The following ALCAM variants were observed in gnomAD, a reference collection of about 807,000 sequenced individuals.
The protein encoded by ALCAM is activated leukocyte cell adhesion molecule, also known as CD166 antigen.
In ALCAM, 30 loss-of-function variants were observed where a neutral mutation model predicts 70.9. The ratio of observed to expected loss-of-function variants is 0.42; its 90% CI spans 0.32 to 0.57. ALCAM has a LOEUF of 0.57. Ranked by LOEUF, ALCAM falls within the 20% of genes least tolerant of loss-of-function variation. ALCAM has a pLI of 0.11. For missense variants in ALCAM, 591 were observed against 695.1 expected (o/e 0.85, Z 1.68); for synonymous variants, 249 against 242.5 (o/e 1.03, Z -0.25).
Position 105,462,014 on chromosome 3 carries a change from G to A in ALCAM, c.74-58053G>A, listed in dbSNP as rs77869960. Among the ~76,000 whole-genome samples, 606 of 151,478 alleles carry A rather than the reference G, an allele frequency of 4.0e-3. 5 individuals are homozygous for A. The highest frequency in any genetic ancestry group is 0.014 in the African/African-American group (576 of 41,406). ...ATTTGAGAATTTTCATAATCCTGGG[G>A]AAATATAGTAAAAAATAAAATTTTG... On this transcript the variant is annotated intron_variant, in intron 1 of 15. Transcript: ENST00000306107.
Position 105,447,819 on chromosome 3 carries a change from G to T in ALCAM, c.74-72248G>T, listed in dbSNP as rs541145534. Among the ~76,000 whole-genome samples the T allele has an allele frequency of 2.0e-5, 3 of 152,294 alleles. No homozygotes were observed. In the East Asian group the frequency reaches 5.8e-4, roughly 29 times the overall value. On this transcript the variant is annotated intron_variant, in intron 1 of 15. Transcript: ENST00000306107. ...TGCTTTGCTTTTGTTATCAAATAAT[G>T]CTGGCAGTGGAATGAGGCTCACGAC...
intron 1 of ALCAM, among the ~76,000 whole-genome samples, chr3:105,421,485 A>T (rs565300864): frequency 4.0e-4 from 60 of 151,516 alleles, no homozygotes; most frequent in African/African-American, 8.2e-4. Flanking sequence ...CTCTATTTTT[A>T]AAAAAAGAAG....
At chr3:105,389,138 G>T (rs1935732059) in intron 1 of ALCAM, among the ~76,000 whole-genome samples, 1 of 151,442 alleles carries the variant, frequency 6.6e-6, no homozygotes, top group African/African-American at 2.4e-5. Context: ...AAAGTGGAAG[G>T]TATGGTGTAC....
chr3:105,534,950 C>T, intron 6 of ALCAM, 105 bp downstream of exon 6: 1 of 1,079,344 alleles, frequency 9.3e-7, no homozygotes, highest in Non-Finnish European at 1.3e-6. Flanking sequence ...AATTCTGCTT[C>T]CAGTCTGCAC....
intron 1 of ALCAM, among the ~76,000 whole-genome samples, chr3:105,477,461 C>CTCAAT (rs1389331502): frequency 2.6e-5 from 4 of 151,836 alleles, no homozygotes; most frequent in Non-Finnish European, 4.4e-5. Flanking sequence ...GTCTTCTTGC[C>CTCAAT]TCAATTGTTT....
At chr3:105,370,782 A>G (rs1230404063) in intron 1 of ALCAM, among the ~76,000 whole-genome samples, 1 of 151,818 alleles carries the variant, frequency 6.6e-6, no homozygotes, top group African/African-American at 2.4e-5. Flanking sequence ...CTGGGAAAAG[A>G]GGACCCAAAA....
intron 1 of ALCAM, among the ~76,000 whole-genome samples, chr3:105,495,632 A>C (rs1042714408): frequency 6.6e-6 from 1 of 152,226 alleles, no homozygotes; most frequent in African/African-American, 2.4e-5. Flanking sequence ...GTTGTACTTA[A>C]AGTATGCAAA....
intron 13 of ALCAM, 61 bp downstream of exon 13, chr3:105,552,243 A>G: frequency 2.0e-6 from 3 of 1,491,324 alleles, no homozygotes; most frequent in East Asian, 2.3e-5. Flanking sequence ...ATGAAGTGTC[A>G]TGGTATAAGT....
chr3:105,549,107 C>T (rs1940325443), intron 11 of ALCAM, among the ~76,000 whole-genome samples: 1 of 151,392 alleles, frequency 6.6e-6, no homozygotes, highest in Non-Finnish European at 1.5e-5. Flanking sequence ...GAAAAAATAG[C>T]AGGTAAATTT....
chr3:105,571,965 G>T lies in ALCAM; in HGVS notation c.*25+1G>T, dbSNP rs1202008588. ...GAGAGAAACTGTCCTAGTTGTCCAG[G>T]TGAGTAGTCTGTACGAGGTTCATAG... is the stretch of plus-strand genomic sequence containing the variant. On this transcript the variant is annotated splice_donor_variant, in intron 15 of 15. Transcript: ENST00000306107. LOFTEE classifies it low-confidence loss of function (3UTR_SPLICE). The T allele has an allele frequency of 6.5e-7, 1 of 1,541,782 alleles. No homozygotes were observed.
chr3:105,382,559 G>T (rs1343907718), intron 1 of ALCAM, among the ~76,000 whole-genome samples: 2 of 152,034 alleles, frequency 1.3e-5, no homozygotes, highest in East Asian at 3.9e-4. Context: ...CCCACCAACA[G>T]TGTAAAAGTG....
chr3:105,380,322 G>A (rs1935488141), intron 1 of ALCAM, among the ~76,000 whole-genome samples: 1 of 151,658 alleles, frequency 6.6e-6, no homozygotes, highest in South Asian at 2.1e-4. Context: ...TTATAATTTT[G>A]TCAAAAATCC....
At chr3:105,370,201 G>C (rs1355839802) in intron 1 of ALCAM, among the ~76,000 whole-genome samples, 1 of 152,140 alleles carries the variant, frequency 6.6e-6, no homozygotes, top group Non-Finnish European at 1.5e-5. Flanking sequence ...CAGGACTTGG[G>C]AAAGCATCAA....
At chr3:105,519,218 T>A (rs1214935698) in intron 1 of ALCAM, among the ~76,000 whole-genome samples, 10 of 151,990 alleles carry the variant, frequency 6.6e-5, no homozygotes, top group Non-Finnish European at 4.4e-5. Flanking sequence ...AATGCCTGGG[T>A]TTTTTTAACC....
chr3:105,408,367 G>T (rs915535408), intron 1 of ALCAM, among the ~76,000 whole-genome samples: 1 of 152,072 alleles, frequency 6.6e-6, no homozygotes, highest in Non-Finnish European at 1.5e-5. Context: ...TAGAACAATG[G>T]AACAGAATAG....
intron 1 of ALCAM, among the ~76,000 whole-genome samples, chr3:105,395,876 A>G (rs939408049): frequency 1.3e-5 from 2 of 151,970 alleles, no homozygotes; most frequent in Admixed American, 6.6e-5. Context: ...CTAAGGCCAT[A>G]TGGCAGCCCA....
At chr3:105,436,016 C>G (rs551671809) in intron 1 of ALCAM, among the ~76,000 whole-genome samples, 1 of 152,140 alleles carries the variant, frequency 6.6e-6, no homozygotes, top group Non-Finnish European at 1.5e-5. Context: ...ACATGGATGG[C>G]GGCAGGCAAA....
At chr3:105,475,912 C>A (rs1219174725) in intron 1 of ALCAM, among the ~76,000 whole-genome samples, 3 of 151,900 alleles carry the variant, frequency 2.0e-5, no homozygotes, top group Non-Finnish European at 4.4e-5. Flanking sequence ...CTTCTTCCTT[C>A]CTCTTTTACA....
chr3:105,384,270 A>AT (rs1427843870), intron 1 of ALCAM, among the ~76,000 whole-genome samples: 1 of 151,644 alleles, frequency 6.6e-6, no homozygotes, highest in African/African-American at 2.4e-5. Context: ...GTCTTTACTG[A>AT]TAAAAACAGT....
Sources: allele counts gnomAD v4.1 joint callset (sites outside exome capture counted in the v4.1 genomes callset), GRCh38; gene constraint gnomAD v4.1.1; transcripts MANE v1.5; gene names NCBI Gene and HGNC (gene_info 2026-07-23, HGNC 2026-07-21).